Variants in TMEM67 observed in about 807,000 individuals in gnomAD.
The protein encoded by TMEM67 is meckelin.
Under a neutral mutation model 136.6 loss-of-function variants are expected in TMEM67, and 124 were observed. That is an observed-to-expected ratio of 0.91 (90% CI 0.78 to 1.05). The LOEUF (loss-of-function observed/expected upper bound fraction) is 1.05, where lower values mean the gene tolerates loss of function less well. Among genes scored for constraint, TMEM67 ranks in the 50% least tolerant of loss-of-function variants. The probability of loss-of-function intolerance (pLI) is 0.00; values close to 1 mark genes in which losing one functional copy is unlikely to be tolerated. For synonymous variants in TMEM67, 364 were observed against 390.5 expected (o/e 0.93, Z 0.80); for missense variants, 1,107 against 1,178.4 (o/e 0.94, Z 0.89).
chr8:93,774,100 C>T lies in TMEM67; in HGVS notation c.714+1449C>T, dbSNP rs145459110. On this transcript the variant is annotated intron_variant, in intron 7 of 27. Coordinates refer to ENST00000453321, the MANE Select transcript of TMEM67 (RefSeq NM_153704.6). ...CACAATCTCGACTCACTGCAACCTC[C>T]GCCTCCTGGGCTCAAGAGATCCTCC... is the stretch of plus-strand genomic sequence containing the variant. 4.4e-3 allele frequency among the ~76,000 whole-genome samples: 667 copies of T among 152,112 alleles called. 7 individuals are homozygous for T. The highest frequency in any genetic ancestry group is 0.015 in the African/African-American group (609 of 41,488).
At chr8:93,805,692 C>T (rs1251152111) in intron 23 of TMEM67, among the ~76,000 whole-genome samples, 2 of 151,884 alleles carry the variant, frequency 1.3e-5, no homozygotes, top group African/African-American at 4.8e-5. Context: ...AACTGTATCA[C>T]AGTAATCAAA....
intron 23 of TMEM67, among the ~76,000 whole-genome samples, chr8:93,805,497 C>T (rs560234315): frequency 1.7e-3 from 255 of 150,786 alleles, no homozygotes; most frequent in African/African-American, 6.0e-3. Flanking sequence ...GGCAGAATGG[C>T]ATGAACCTGG....
chr8:93,778,305 C>G (rs1813651652), intron 7 of TMEM67, among the ~76,000 whole-genome samples: 1 of 152,158 alleles, frequency 6.6e-6, no homozygotes, highest in African/African-American at 2.4e-5. Flanking sequence ...TACTCTTTAT[C>G]CAATTTGCCA....
chr8:93,773,210 A>G (rs1363015857), intron 7 of TMEM67, among the ~76,000 whole-genome samples: 1 of 152,192 alleles, frequency 6.6e-6, no homozygotes, highest in Non-Finnish European at 1.5e-5. Context: ...GCAGGAGCAA[A>G]GATCTCAAAG....
chr8:93,784,046 A>G (rs1813982620), intron 11 of TMEM67, among the ~76,000 whole-genome samples: 1 of 152,214 alleles, frequency 6.6e-6, no homozygotes, highest in Non-Finnish European at 1.5e-5. Flanking sequence ...ATAACAAAAA[A>G]TACCATTATG....
intron 12 of TMEM67, chr8:93,785,720 T>C (rs1328093926): frequency 1.8e-5 from 4 of 217,858 alleles, no homozygotes; most frequent in Non-Finnish European, 3.6e-5. Flanking sequence ...GTTATAAAAT[T>C]CTGCTTTTTC....
chr8:93,808,234 C>T (rs988298409), intron 23 of TMEM67, among the ~76,000 whole-genome samples: 4 of 144,674 alleles, frequency 2.8e-5, no homozygotes, highest in Admixed American at 1.4e-4. Context: ...TATATATGCT[C>T]TACTTAAATA....
intron 26 of TMEM67, among the ~76,000 whole-genome samples, 156 bp from the exon 27 acceptor site, chr8:93,815,149 A>T (rs970002500): frequency 6.6e-6 from 1 of 152,198 alleles, no homozygotes; most frequent in African/African-American, 2.4e-5. Flanking sequence ...ACAAATCTTA[A>T]AATGTTTGTT....
At chr8:93,827,986 C>T in the TMEM67 span, among the ~76,000 whole-genome samples, 3 of 152,100 alleles carry the variant, frequency 2.0e-5, no homozygotes, top group African/African-American at 7.2e-5. Flanking sequence ...GTTCATGATG[C>T]CTGGAGATGC....
intron 22 of TMEM67, 104 bp downstream of exon 22, chr8:93,803,788 T>TG: frequency 1.3e-6 from 1 of 750,690 alleles, no homozygotes. Flanking sequence ...ATTGAATTTT[T>TG]GGGCCAATTT....
chr8:93,769,844 C>G (rs1813254512), intron 6 of TMEM67, among the ~76,000 whole-genome samples: 1 of 152,132 alleles, frequency 6.6e-6, no homozygotes. Context: ...GTATTGACTC[C>G]ATAACATACA....
intron 3 of TMEM67, among the ~76,000 whole-genome samples, chr8:93,760,356 T>C (rs987016329): frequency 6.6e-6 from 1 of 152,158 alleles, no homozygotes; most frequent in Non-Finnish European, 1.5e-5. Context: ...ATTCAATTCA[T>C]ATAGGAATTT....
At chr8:93,769,272 C>A (rs1393947906) in intron 6 of TMEM67, among the ~76,000 whole-genome samples, 1 of 152,244 alleles carries the variant, frequency 6.6e-6, no homozygotes, top group Non-Finnish European at 1.5e-5. Flanking sequence ...CCTGCTGCCT[C>A]AGAGGACCCC....
At chr8:93,770,711 G>C (rs2130614033) in intron 6 of TMEM67, among the ~76,000 whole-genome samples, 1 of 152,204 alleles carries the variant, frequency 6.6e-6, no homozygotes, top group East Asian at 1.9e-4. Flanking sequence ...CCAGTTATTG[G>C]TGATAGTAAA....
chr8:93,805,118 G>A (rs1015944139), intron 23 of TMEM67, among the ~76,000 whole-genome samples: 24 of 152,134 alleles, frequency 1.6e-4, no homozygotes, highest in Non-Finnish European at 3.4e-4. Context: ...GACTGCAGGC[G>A]CCTGCCACTA....
intron 3 of TMEM67, among the ~76,000 whole-genome samples, chr8:93,759,653 G>GTT (rs762843160): frequency 3.6e-5 from 5 of 138,292 alleles, no homozygotes; most frequent in African/African-American, 5.3e-5. Context: ...TTTTATTTTT[G>GTT]TTTTTTTTTT....
In TMEM67 at chr8:93,791,338, T is replaced by C. The variant is rs1395615593; in HGVS notation, c.1575+19T>C. On this transcript the variant is annotated intron_variant, in intron 15 of 27. Coordinates refer to ENST00000453321, the MANE Select transcript of TMEM67 (RefSeq NM_153704.6). The stretch of plus-strand genomic sequence containing the variant: ...GACAGATGTAAGTTTATTTTAACCT[T>C]TTAAAATATATACAGTGTATTTTAT... 2.0e-6 allele frequency: 3 copies of C among 1,515,144 alleles called. No individual in the cohort carries two copies. Among genetic ancestry groups the C allele is most frequent in the Non-Finnish European group, 2.7e-6 (3 of 1,092,434 alleles). The allele number at this position is 1,515,144 out of a possible 1,614,324, so 93.9% of individuals were successfully genotyped here. A position where few individuals can be genotyped will look rare whatever the true frequency, so the allele number is the denominator to read the frequency against.
chr8:93,818,646 C>A (rs950495738), downstream of TMEM67, among the ~76,000 whole-genome samples: 5 of 152,110 alleles, frequency 3.3e-5, no homozygotes, highest in African/African-American at 9.7e-5. Context: ...GCAAAAGAAG[C>A]CCTGGATTCA....
In TMEM67 at chr8:93,816,433, A is replaced by G. The variant is rs1342554739; in HGVS notation, c.2969A>G (p.Asp990Gly). The change falls in exon 28 of 28, where the codon GAT becomes GGT. Residue 990 changes from aspartate to glycine, a missense_variant. Transcript: ENST00000453321. ...AATTTGGCATCCAAAACATTGGTGG[A>G]TCAAAGATTTTTGATTTAACTTCCT... is the stretch of plus-strand genomic sequence containing the variant. ...QKNLASKTLV[D>G]QRFLI The G allele has an allele frequency of 6.3e-7, 1 of 1,596,032 alleles. No homozygotes were observed. Among genetic ancestry groups the G allele is most frequent in the Middle Eastern group, 1.7e-4 (1 of 5,996 alleles).
Sources: gnomAD v4.1 joint callset for allele counts (sites outside exome capture counted in the v4.1 genomes callset) on GRCh38, gnomAD v4.1.1 for gene constraint, MANE v1.5 for transcripts, NCBI Gene and HGNC (gene_info 2026-07-23, HGNC 2026-07-21) for gene names.